Variants in C1orf54 observed in about 807,000 individuals in gnomAD.
C1orf54 encodes chromosome 1 open reading frame 54.
C1orf54 carries 12 observed loss-of-function variants against 14.7 expected under a neutral mutation model. The observed-to-expected ratio is 0.82, with a 90% confidence interval of 0.52 to 1.32. The LOEUF is 1.32. Ranked by LOEUF, C1orf54 falls within the 40% of genes most tolerant of loss-of-function variation. The pLI, the probability that C1orf54 is intolerant of heterozygous loss-of-function variation, is 0.00. For missense variants in C1orf54, 163 were observed against 162.2 expected (o/e 1.00, Z -0.03); for synonymous variants, 65 against 56.3 (o/e 1.16, Z -0.70).
rs185521424 is a variant in C1orf54 at position 150,276,565 on chromosome 1, T to A, written c.233T>A (p.Ile78Asn). The A allele has an allele frequency of 6.2e-7, 1 of 1,614,070 alleles. No individual in the cohort carries two copies. The highest frequency in any genetic ancestry group is 2.2e-5 in the East Asian group (1 of 44,878). Residue 78 changes from isoleucine to asparagine, a missense_variant, in exon 4 of 6, where the codon ATT becomes AAT. By Grantham distance (149) the Ile-to-Asn change is moderately radical. Transcript: ENST00000369099. ...KDITEAIETTISLETARADHP... is the reference protein window; with the variant it reads ...KDITEAIETTNSLETARADHP... Reference sequence around the variant, plus strand: ...ATAACAGAAGCAATAGAGACTACCATTAGTCTTGAAACAGCACGTGCAGAC... The same window carrying A: ...ATAACAGAAGCAATAGAGACTACCAATAGTCTTGAAACAGCACGTGCAGAC...
intron 3 of C1orf54, 73 bp from the exon 4 acceptor site, chr1:150,276,449 A>T: frequency 7.9e-7 from 1 of 1,259,188 alleles, no homozygotes; most frequent in Non-Finnish European, 1.2e-6. Context: ...GGAGAACTTT[A>T]AGTAGAGAAT....
chr1:150,271,011 A>AAT (rs1299431176), upstream of C1orf54, among the ~76,000 whole-genome samples: 46 of 151,320 alleles, frequency 3.0e-4, no homozygotes, highest in Middle Eastern at 3.4e-3. Flanking sequence ...AAAAAAAAAA[A>AAT]AAATTAAGAG....
At chr1:150,270,193 A>AT (rs1304023869), upstream of C1orf54, among the ~76,000 whole-genome samples, 92 of 672 alleles carry the variant, frequency 0.14, no homozygotes, top group Non-Finnish European at 0.19. Context: ...TAATCAAAGT[A>AT]CCAAAAAAAA....
Position 150,275,703 on chromosome 1 carries a change from T to C in C1orf54, c.131-38T>C, listed in dbSNP as rs782013918. ...TCATTTCCAGATCTAGAGTTACATT[T>C]TTCTTTAATTATTACTGATTTTCTT... is the stretch of plus-strand genomic sequence containing the variant. On this transcript the variant is annotated intron_variant, in intron 2 of 5. Coordinates refer to ENST00000369099, the MANE Select transcript of C1orf54 (RefSeq NM_024579.4). The C allele has an allele frequency of 2.1e-5, 32 of 1,526,870 alleles. No individual in the cohort carries two copies. The African/African-American group carries it at 4.3e-4, about 20-fold the overall frequency. 94.6% of individuals were successfully genotyped at this position (1,526,870 alleles called of 1,614,324 possible). A position where few individuals can be genotyped will look rare whatever the true frequency, so the allele number is the denominator to read the frequency against.
chr1:150,270,779 G>A (rs887760543), upstream of C1orf54, among the ~76,000 whole-genome samples: 18 of 151,968 alleles, frequency 1.2e-4, no homozygotes, highest in African/African-American at 3.1e-4. Context: ...GGCAGATCAC[G>A]AGGTCAGGAG....
chr1:150,276,523 A>C lies in C1orf54; in HGVS notation c.191A>C (p.Asn64Thr), dbSNP rs782021460. 6.2e-7 allele frequency: 1 copy of C among 1,612,098 alleles called. No homozygotes were observed. The highest frequency in any genetic ancestry group is 8.5e-7 in the Non-Finnish European group (1 of 1,178,130). Residue 64 changes from asparagine (N) to threonine (T), a missense_variant and splice_region_variant, in exon 4 of 6, where the codon AAC becomes ACC. By Grantham distance (65) the Asn-to-Thr change is moderately conservative. Transcript: ENST00000369099. ...TTTCCCAAATCCTACTGAGGGTAGAACAGGTTGGATAAGGACATAACAGAA... is the reference window on the plus strand; with the variant it reads ...TTTCCCAAATCCTACTGAGGGTAGACCAGGTTGGATAAGGACATAACAGAA... ...YSIFESEDRL[N>T]RLDKDITEAI...
intron 4 of C1orf54, 78 bp downstream of exon 4, chr1:150,276,710 C>G: frequency 3.4e-6 from 4 of 1,191,058 alleles, no homozygotes; most frequent in Non-Finnish European, 2.5e-6. Flanking sequence ...GGCTGGAATA[C>G]CAGGCTTTGG....
At chr1:150,280,608 A>G (rs1320924410) in intron 5 of C1orf54, among the ~76,000 whole-genome samples, 2 of 152,214 alleles carry the variant, frequency 1.3e-5, no homozygotes, top group Non-Finnish European at 2.9e-5. Flanking sequence ...TATTATAGGA[A>G]AAGAATTTTT....
At chr1:150,278,123 T>A (rs10788873) in intron 4 of C1orf54, among the ~76,000 whole-genome samples, 90,562 of 152,102 alleles carry the variant, frequency 0.6, 27,461 homozygotes, top group African/African-American at 0.71. Flanking sequence ...AAAACCACTC[T>A]TCAGGTTGTA....
At chr1:150,269,009 C>T, upstream of C1orf54, 2 of 533,040 alleles carry the variant, frequency 3.8e-6, no homozygotes, top group South Asian at 4.2e-5. Context: ...TCTACGGAAG[C>T]CGAAGAGGGG....
intron 5 of C1orf54, among the ~76,000 whole-genome samples, chr1:150,280,096 G>A (rs782037628): frequency 7.9e-5 from 12 of 152,158 alleles, no homozygotes; most frequent in Non-Finnish European, 1.3e-4. Flanking sequence ...TGGTAGCACA[G>A]GCCTGCAGTC....
intron 2 of C1orf54, among the ~76,000 whole-genome samples, chr1:150,274,686 G>A (rs766310895): frequency 2.6e-5 from 4 of 151,626 alleles, no homozygotes; most frequent in Non-Finnish European, 4.4e-5. Flanking sequence ...GCTGAGGTGG[G>A]TGGATCACCT....
At chr1:150,270,614 A>C (rs1652128708), upstream of C1orf54, among the ~76,000 whole-genome samples, 1 of 150,638 alleles carries the variant, frequency 6.6e-6, no homozygotes, top group East Asian at 2.0e-4. Context: ...CTGCACTCCA[A>C]CCTGGGCGAC....
intron 3 of C1orf54, among the ~76,000 whole-genome samples, chr1:150,276,166 A>C (rs73011385): frequency 0.03 from 4,612 of 152,184 alleles, 245 homozygotes; most frequent in African/African-American, 0.11. Context: ...AGAAAAGAAA[A>C]GAAACTGGGC....
chr1:150,269,188 C>T (rs1425844586), upstream of C1orf54: 1 of 222,378 alleles, frequency 4.5e-6, no homozygotes, highest in Non-Finnish European at 9.4e-6. Context: ...TGGGGGTGGG[C>T]CGGGAATGGA....
intron 5 of C1orf54, 73 bp downstream of exon 5, chr1:150,279,814 T>C: frequency 1.6e-6 from 2 of 1,263,402 alleles, no homozygotes; most frequent in Non-Finnish European, 2.2e-6. Flanking sequence ...TAAACCGAAG[T>C]AATTCTTACC....
At chr1:150,268,803 G>A, upstream of C1orf54, 2 of 1,612,858 alleles carry the variant, frequency 1.2e-6, no homozygotes, top group Non-Finnish European at 1.7e-6. Flanking sequence ...AAACACCGCA[G>A]CCCCCATGGC....
intron 5 of C1orf54, among the ~76,000 whole-genome samples, chr1:150,279,998 C>A (rs1240323442): frequency 6.6e-6 from 1 of 152,078 alleles, no homozygotes; most frequent in African/African-American, 2.4e-5. Flanking sequence ...GAGCAACAGA[C>A]CTTGTCTCTA....
intron 4 of C1orf54, among the ~76,000 whole-genome samples, chr1:150,278,732 A>G (rs1652865746): frequency 6.6e-6 from 1 of 152,178 alleles, no homozygotes; most frequent in Non-Finnish European, 1.5e-5. Context: ...AACTCTCAAG[A>G]AAGTAGTTTT....
Sources: gnomAD v4.1 joint callset for allele counts (sites outside exome capture counted in the v4.1 genomes callset) on GRCh38, gnomAD v4.1.1 for gene constraint, MANE v1.5 for transcripts, NCBI Gene and HGNC (gene_info 2026-07-23, HGNC 2026-07-21) for gene names.